Variants in GLIS3 observed in about 807,000 individuals in gnomAD.
GLIS3 encodes zinc finger protein GLIS3.
A neutral mutation model predicts 78.6 loss-of-function variants in GLIS3; 53 were observed. The ratio of observed to expected loss-of-function variants is 0.67; its 90% confidence interval spans 0.54 to 0.85. GLIS3 has a LOEUF of 0.85. Ranked by LOEUF, GLIS3 falls within the 40% of genes least tolerant of loss-of-function variation. The pLI, the probability that GLIS3 is intolerant of heterozygous loss-of-function variation, is 0.00. For missense variants in GLIS3, 1,703 were observed against 1,231.1 expected (o/e 1.38, Z -5.74); for synonymous variants, 684 against 509.9 (o/e 1.34, Z -4.60).
the GLIS3 span, among the ~76,000 whole-genome samples, chr9:4,444,416 A>C: frequency 6.6e-6 from 1 of 152,202 alleles, no homozygotes; most frequent in African/African-American, 2.4e-5. Flanking sequence ...TCATTAGCTC[A>C]ACTATCTTTC....
At chr9:4,411,329 G>T in the GLIS3 span, among the ~76,000 whole-genome samples, 1 of 152,040 alleles carries the variant, frequency 6.6e-6, no homozygotes, top group East Asian at 1.9e-4. Context: ...TTTTTCATTA[G>T]TCCACACGAC....
At chr9:4,326,625 C>T (rs535733452) in intron 2 of GLIS3, among the ~76,000 whole-genome samples, 12 of 152,160 alleles carry the variant, frequency 7.9e-5, no homozygotes, top group Non-Finnish European at 1.3e-4. Context: ...GTGGTAATGA[C>T]GGCACAACAA....
At chr9:4,147,129 G>A (rs1006457766) in intron 2 of GLIS3, among the ~76,000 whole-genome samples, 2 of 152,084 alleles carry the variant, frequency 1.3e-5, no homozygotes, top group African/African-American at 4.8e-5. Flanking sequence ...ACATTATGCA[G>A]GCAATATCCT....
chr9:3,986,693 C>T (rs1588392344), intron 4 of GLIS3, among the ~76,000 whole-genome samples: 2 of 152,210 alleles, frequency 1.3e-5, no homozygotes, highest in Non-Finnish European at 2.9e-5. Context: ...TTTGCCCCCT[C>T]GGGCAGTACC....
intron 6 of GLIS3, among the ~76,000 whole-genome samples, chr9:3,917,244 C>G (rs774708537): frequency 2.0e-5 from 3 of 152,194 alleles, no homozygotes; most frequent in Non-Finnish European, 4.4e-5. Flanking sequence ...GCTGGTGTTC[C>G]TGGTACCAGC....
the GLIS3 span, among the ~76,000 whole-genome samples, chr9:4,357,154 G>A: frequency 6.6e-6 from 1 of 152,164 alleles, no homozygotes. Flanking sequence ...GAATAACCCT[G>A]TGATCTTTAA....
rs543259639 is a variant in GLIS3, at chr9:3,904,667, A to C, written c.1984-5832T>G. On this transcript the variant is annotated intron_variant, in intron 6 of 10. Coordinates refer to ENST00000381971, the MANE Select transcript of GLIS3 (RefSeq NM_001042413.2). ...TGGATGTGCATAGTCAACAGGAAGC[A>C]CTTTTAAACACTGCATTTCAATTAA... Among the ~76,000 whole-genome samples the C allele has an allele frequency of 3.9e-5, 6 of 152,332 alleles. No homozygotes were observed. The South Asian group carries it at 1.2e-3, about 32-fold the overall frequency.
At chr9:4,194,658 A>C (rs574174500) in intron 2 of GLIS3, among the ~76,000 whole-genome samples, 1 of 152,296 alleles carries the variant, frequency 6.6e-6, no homozygotes, top group South Asian at 2.1e-4. Context: ...AGGAGAATAG[A>C]GACAAACAGC....
chr9:4,054,535 C>A (rs79699691), intron 4 of GLIS3: 78 of 975,712 alleles, frequency 8.0e-5, no homozygotes, highest in Admixed American at 1.2e-4. Context: ...GAGGCAAACA[C>A]AGATCTGATC....
intron 3 of GLIS3, among the ~76,000 whole-genome samples, chr9:4,124,729 T>G (rs1392510201): frequency 6.6e-6 from 1 of 151,604 alleles, no homozygotes; most frequent in Non-Finnish European, 1.5e-5. Flanking sequence ...GAGAACAGGA[T>G]TAGGAGGAAG....
At chr9:4,466,522 T>C in the GLIS3 span, among the ~76,000 whole-genome samples, 2 of 152,184 alleles carry the variant, frequency 1.3e-5, no homozygotes, top group Non-Finnish European at 2.9e-5. Flanking sequence ...CCTCATAACA[T>C]AGATATAAAA....
At chr9:3,870,296 A>T (rs1332502179) in intron 8 of GLIS3, among the ~76,000 whole-genome samples, 1 of 152,224 alleles carries the variant, frequency 6.6e-6, no homozygotes, top group Non-Finnish European at 1.5e-5. Context: ...AATACCAGAA[A>T]GAACTTTGGA....
chr9:4,124,291 T>C (rs546360363), intron 3 of GLIS3, among the ~76,000 whole-genome samples: 1 of 152,198 alleles, frequency 6.6e-6, no homozygotes, highest in Non-Finnish European at 1.5e-5. Flanking sequence ...TATAAAATTA[T>C]GCTAAGGAAT....
chr9:4,207,319 T>A (rs1031780845), intron 2 of GLIS3, among the ~76,000 whole-genome samples: 1 of 152,200 alleles, frequency 6.6e-6, no homozygotes, highest in African/African-American at 2.4e-5. Context: ...ACAGCCAGCA[T>A]GACAAGAGGA....
intron 4 of GLIS3, among the ~76,000 whole-genome samples, chr9:3,961,737 A>G (rs1817569358): frequency 2.0e-5 from 3 of 152,220 alleles, no homozygotes; most frequent in African/African-American, 7.2e-5. Context: ...GTAAGAACAT[A>G]TCTATTAATT....
chr9:4,160,643 AG>A (rs1199201593), intron 2 of GLIS3, among the ~76,000 whole-genome samples: 2 of 152,216 alleles, frequency 1.3e-5, no homozygotes, highest in Non-Finnish European at 2.9e-5. Context: ...TTTTCTTCAA[AG>A]TCCTTGTATT....
intron 4 of GLIS3, among the ~76,000 whole-genome samples, chr9:4,037,064 T>G (rs957588577): frequency 1.3e-5 from 2 of 152,124 alleles, no homozygotes; most frequent in African/African-American, 4.8e-5. Flanking sequence ...TTGAAAAAAA[T>G]CACCCCACTC....
chr9:4,153,617 G>A (rs1020478172), intron 2 of GLIS3, among the ~76,000 whole-genome samples: 3 of 151,910 alleles, frequency 2.0e-5, no homozygotes, highest in African/African-American at 7.2e-5. Flanking sequence ...ACTAAATAAA[G>A]AAAGAGAACA....
intron 2 of GLIS3, among the ~76,000 whole-genome samples, chr9:4,226,835 C>T (rs1380530931): frequency 6.6e-6 from 1 of 152,198 alleles, no homozygotes; most frequent in Non-Finnish European, 1.5e-5. Flanking sequence ...TATCTGTTTA[C>T]ACCATGGCCT....
Sources: allele counts gnomAD v4.1 joint callset (sites outside exome capture counted in the v4.1 genomes callset), GRCh38; gene constraint gnomAD v4.1.1; transcripts MANE v1.5; gene names NCBI Gene and HGNC (gene_info 2026-07-23, HGNC 2026-07-21).